The following TENM3 variants were observed in gnomAD, a reference collection of about 807,000 sequenced individuals.
TENM3 encodes the protein teneurin-3.
Under a neutral mutation model 255.1 loss-of-function variants are expected in TENM3, and 63 were observed. The ratio of observed to expected loss-of-function variants is 0.25; its 90% CI spans 0.20 to 0.30. TENM3 has a LOEUF of 0.30. Among genes scored for constraint, TENM3 ranks in the 10% least tolerant of loss-of-function variants. TENM3 has a pLI of 1.00. For missense variants in TENM3, 2,929 were observed against 3,461.1 expected (o/e 0.85, Z 3.86); for synonymous variants, 1,306 against 1,322.3 (o/e 0.99, Z 0.27).
At chr4:182,289,534 C>A (rs748934661) in intron 1 of TENM3, among the ~76,000 whole-genome samples, 7 of 152,256 alleles carry the variant, frequency 4.6e-5, no homozygotes, top group Non-Finnish European at 8.8e-5. Flanking sequence ...TTTATGTTAT[C>A]CAATAAATCT....
chr4:182,309,748 G>A (rs549697603), intron 1 of TENM3, among the ~76,000 whole-genome samples: 13 of 152,206 alleles, frequency 8.5e-5, no homozygotes, highest in African/African-American at 2.6e-4. Context: ...GCTCTCAACC[G>A]TATAGACTGG....
intron 3 of TENM3, among the ~76,000 whole-genome samples, chr4:182,490,647 A>G (rs890492671): frequency 9.2e-5 from 14 of 152,124 alleles, no homozygotes; most frequent in African/African-American, 3.4e-4. Flanking sequence ...CCCGTTATCT[A>G]TGTTAGTTGT....
chr4:182,129,515 C>T, the TENM3 span, among the ~76,000 whole-genome samples: 1 of 151,984 alleles, frequency 6.6e-6, no homozygotes, highest in Non-Finnish European at 1.5e-5. Context: ...AGCAGAACCA[C>T]CTGGCTTGAA....
chr4:182,172,072 C>T (rs1340864763), intron 1 of TENM3, among the ~76,000 whole-genome samples: 2 of 149,870 alleles, frequency 1.3e-5, no homozygotes, highest in African/African-American at 4.9e-5. Flanking sequence ...TTAACCGAGA[C>T]ATCTAAATTG....
At chr4:181,784,544 T>C in the TENM3 span, among the ~76,000 whole-genome samples, 1 of 152,318 alleles carries the variant, frequency 6.6e-6, no homozygotes, top group South Asian at 2.1e-4. Context: ...TTTTTATTTA[T>C]AGTTATTCTA....
chr4:181,897,198 A>T, the TENM3 span, among the ~76,000 whole-genome samples: 2 of 152,226 alleles, frequency 1.3e-5, no homozygotes, highest in Non-Finnish European at 2.9e-5. Flanking sequence ...GTTCAAACAA[A>T]TTATTCAGCA....
chr4:182,574,869 A>G (rs1744769629), intron 3 of TENM3, among the ~76,000 whole-genome samples: 1 of 152,132 alleles, frequency 6.6e-6, no homozygotes, highest in African/African-American at 2.4e-5. Flanking sequence ...ACATATAGCC[A>G]TATGTTTCCT....
intron 3 of TENM3, among the ~76,000 whole-genome samples, chr4:182,586,344 C>G: frequency 6.6e-6 from 1 of 152,176 alleles, no homozygotes; most frequent in Non-Finnish European, 1.5e-5. Flanking sequence ...TTGCCATTCA[C>G]GGGGCATTGT....
intron 3 of TENM3, among the ~76,000 whole-genome samples, chr4:182,535,116 TATA>T (rs1465739679): frequency 1.3e-5 from 2 of 152,198 alleles, no homozygotes; most frequent in East Asian, 3.8e-4. Flanking sequence ...TAGCGTGGAT[TATA>T]ATAAGAAAAC....
the TENM3 span, among the ~76,000 whole-genome samples, chr4:181,985,444 A>G: frequency 6.6e-6 from 1 of 152,102 alleles, no homozygotes. Flanking sequence ...TCATCTCTAA[A>G]ATAGGCAGAG....
intron 1 of TENM3, among the ~76,000 whole-genome samples, chr4:182,247,012 A>G (rs1757699393): frequency 6.6e-6 from 1 of 152,226 alleles, no homozygotes; most frequent in Admixed American, 6.5e-5. Flanking sequence ...AGACGGAACC[A>G]GCCGTGTGGG....
chr4:181,972,301 C>A, the TENM3 span, among the ~76,000 whole-genome samples: 2 of 151,706 alleles, frequency 1.3e-5, no homozygotes, highest in African/African-American at 4.8e-5. Flanking sequence ...TGCCTGTAGT[C>A]CCAGCTACTT....
At chr4:182,033,428 T>C in the TENM3 span, among the ~76,000 whole-genome samples, 2 of 152,206 alleles carry the variant, frequency 1.3e-5, no homozygotes, top group East Asian at 3.9e-4. Context: ...TTCAGTTCTT[T>C]TGCATTTGCT....
At chr4:181,955,522 A>G in the TENM3 span, among the ~76,000 whole-genome samples, 1 of 152,304 alleles carries the variant, frequency 6.6e-6, no homozygotes, top group South Asian at 2.1e-4. Flanking sequence ...AGCCCCTGCA[A>G]TAGAATTACT....
chr4:181,861,800 G>C, the TENM3 span, among the ~76,000 whole-genome samples: 1 of 151,924 alleles, frequency 6.6e-6, no homozygotes, highest in African/African-American at 2.4e-5. Flanking sequence ...TTTGACCAAC[G>C]TACCCCAGTT....
chr4:182,090,910 G>A, the TENM3 span, among the ~76,000 whole-genome samples: 1 of 152,076 alleles, frequency 6.6e-6, no homozygotes, highest in East Asian at 1.9e-4. Flanking sequence ...TCTTAGGTTT[G>A]ATCTTCTAAT....
At chr4:182,208,512 T>C (rs896744980) in intron 1 of TENM3, among the ~76,000 whole-genome samples, 6 of 152,194 alleles carry the variant, frequency 3.9e-5, no homozygotes, top group Non-Finnish European at 5.9e-5. Flanking sequence ...AATTTTAATA[T>C]AGTAGTAATG....
chr4:181,836,648 T>G, the TENM3 span, among the ~76,000 whole-genome samples: 63,220 of 152,022 alleles, frequency 0.42, 14,300 homozygotes, highest in Admixed American at 0.54. Flanking sequence ...AGTCAGCTTA[T>G]GCCAATATCA....
At chr4:181,920,151 T>G in the TENM3 span, among the ~76,000 whole-genome samples, 73 of 152,134 alleles carry the variant, frequency 4.8e-4, no homozygotes, top group African/African-American at 1.5e-3. Context: ...CATTTGGGTT[T>G]GTTCCAAGTC....
Sources: gnomAD v4.1 joint callset for allele counts (sites outside exome capture counted in the v4.1 genomes callset) on GRCh38, gnomAD v4.1.1 for gene constraint, MANE v1.5 for transcripts, NCBI Gene and HGNC (gene_info 2026-07-23, HGNC 2026-07-21) for gene names.